The following TRPC4 variants were observed in gnomAD, a reference collection of about 807,000 sequenced individuals.
The protein encoded by TRPC4 is short transient receptor potential channel 4.
A neutral mutation model predicts 99.4 loss-of-function variants in TRPC4; 49 were observed. The ratio of observed to expected loss-of-function variants is 0.49; its 90% CI spans 0.39 to 0.63. TRPC4 has a LOEUF of 0.63. TRPC4 is among the 20% of genes least tolerant of loss of function. TRPC4 has a pLI of 0.00. For synonymous variants in TRPC4, 454 were observed against 425.9 expected (o/e 1.07, Z -0.81); for missense variants, 898 against 1,152.9 (o/e 0.78, Z 3.20).
intron 4 of TRPC4, among the ~76,000 whole-genome samples, chr13:37,675,185 C>T (rs1953004225): frequency 6.6e-6 from 1 of 152,066 alleles, no homozygotes; most frequent in South Asian, 2.1e-4. Flanking sequence ...TGAAGATCTT[C>T]CTAGGATGTA....
chr13:37,693,048 T>C (rs1953772631), intron 3 of TRPC4, among the ~76,000 whole-genome samples: 1 of 141,994 alleles, frequency 7.0e-6, no homozygotes, highest in Non-Finnish European at 1.5e-5. Flanking sequence ...ATTTTTGTGA[T>C]GTAGCATGGA....
At chr13:37,703,059 G>A (rs1458038127) in intron 3 of TRPC4, among the ~76,000 whole-genome samples, 1 of 152,122 alleles carries the variant, frequency 6.6e-6, no homozygotes, top group East Asian at 1.9e-4. Flanking sequence ...TTCCAGGGAT[G>A]CAGGAGAAAA....
intron 1 of TRPC4, among the ~76,000 whole-genome samples, chr13:37,844,500 G>C (rs1958833049): frequency 6.6e-6 from 1 of 151,978 alleles, no homozygotes. Flanking sequence ...TTGCCATGTT[G>C]GTCAGGCTGG....
At chr13:37,788,099 C>T (rs8000811) in intron 1 of TRPC4, among the ~76,000 whole-genome samples, 2,605 of 151,954 alleles carry the variant, frequency 0.017, 20 homozygotes, top group Middle Eastern at 0.11. Context: ...TTAGAAAATA[C>T]GCATCAATCT....
chr13:37,846,809 A>G (rs890197924), intron 1 of TRPC4, among the ~76,000 whole-genome samples: 2 of 152,096 alleles, frequency 1.3e-5, no homozygotes, highest in African/African-American at 4.8e-5. Context: ...ATATTTTCTT[A>G]TAAGAGACTC....
At chr13:37,665,921 C>T (rs1570610) in intron 5 of TRPC4, among the ~76,000 whole-genome samples, 146,363 of 151,490 alleles carry the variant, frequency 0.97, 70,901 homozygotes, top group East Asian at 1. Flanking sequence ...ATTATTTAAG[C>T]TGATTTCAGA....
intron 8 of TRPC4, among the ~76,000 whole-genome samples, chr13:37,650,899 C>T (rs1952024803): frequency 6.6e-6 from 1 of 152,054 alleles, no homozygotes; most frequent in Non-Finnish European, 1.5e-5. Flanking sequence ...GAGGGGGAAA[C>T]AGACAATGAG....
intron 3 of TRPC4, among the ~76,000 whole-genome samples, chr13:37,744,987 C>T (rs1233529876): frequency 6.6e-6 from 1 of 151,920 alleles, no homozygotes; most frequent in Admixed American, 6.6e-5. Flanking sequence ...GTTTCTTATT[C>T]CTGACAAATC....
At chr13:37,699,343 G>A (rs1364016978) in intron 3 of TRPC4, among the ~76,000 whole-genome samples, 1 of 151,888 alleles carries the variant, frequency 6.6e-6, no homozygotes, top group African/African-American at 2.4e-5. Flanking sequence ...ATCACTTATA[G>A]ACATATATAC....
Position 37,842,372 on chromosome 13 carries a change from G to GAAA in TRPC4, c.-28+27220_-28+27222dup, listed in dbSNP as rs1566216069. 3.2e-3 allele frequency among the ~76,000 whole-genome samples: 227 copies of GAAA among 72,048 alleles called. 10 individuals carry two copies. The highest frequency in any genetic ancestry group is 9.6e-3 in the East Asian group (21 of 2,188). The allele number at this position is 72,048 out of a possible 152,430, so 47.3% of individuals were successfully genotyped here. On this transcript the variant is annotated intron_variant, in intron 1 of 10. Coordinates refer to ENST00000379705, the MANE Select transcript of TRPC4 (RefSeq NM_016179.4). ...AAAAAAAAAAAAAAAAAAAAAAAAGGAAAAGGAAAAGTATAAATCGGGGGC... is the reference window on the plus strand; with the variant it reads ...AAAAAAAAAAAAAAAAAAAAAAAAGGAAAAAAAGGAAAAGTATAAATCGGGGGC...
rs139724858 is a variant in TRPC4 at position 37,678,962 on chromosome 13, G to A, written c.1235-4595C>T. On this transcript the variant is annotated intron_variant, in intron 4 of 10. Coordinates refer to ENST00000379705, the MANE Select transcript of TRPC4 (RefSeq NM_016179.4). ...ATCAGCATAATTTATCCCATCAACAGCTTTTTGAAAAAATGTGATCATTTC... is the reference window on the plus strand; with the variant it reads ...ATCAGCATAATTTATCCCATCAACAACTTTTTGAAAAAATGTGATCATTTC... 1.9e-4 allele frequency among the ~76,000 whole-genome samples: 29 copies of A among 152,108 alleles called. No homozygotes were observed. The East Asian group carries it at 5.0e-3, about 26-fold the overall frequency.
chr13:37,816,651 G>A (rs1483730107), intron 1 of TRPC4, among the ~76,000 whole-genome samples: 1 of 151,748 alleles, frequency 6.6e-6, no homozygotes, highest in Non-Finnish European at 1.5e-5. Context: ...ACAGAATAAA[G>A]TAGCACATAA....
intron 4 of TRPC4, among the ~76,000 whole-genome samples, chr13:37,681,297 A>T (rs138978809): frequency 6.6e-6 from 1 of 152,274 alleles, no homozygotes; most frequent in Non-Finnish European, 1.5e-5. Flanking sequence ...GACCACCCAA[A>T]ATCTTACTTC....
At chr13:37,850,674 A>G (rs1313952551) in intron 1 of TRPC4, among the ~76,000 whole-genome samples, 1 of 152,204 alleles carries the variant, frequency 6.6e-6, no homozygotes. Flanking sequence ...TGATTAAATT[A>G]TATGTAGTGA....
At chr13:37,778,764 A>G (rs1956769283) in intron 2 of TRPC4, among the ~76,000 whole-genome samples, 3 of 152,062 alleles carry the variant, frequency 2.0e-5, no homozygotes, top group Admixed American at 6.6e-5. Context: ...AAATTGGGAA[A>G]CTCTCATATA....
chr13:37,828,558 A>G (rs116559099), intron 1 of TRPC4, among the ~76,000 whole-genome samples: 108 of 152,358 alleles, frequency 7.1e-4, no homozygotes, highest in African/African-American at 2.4e-3. Context: ...CACTATTCAT[A>G]ATAGCAAAAA....
chr13:37,783,638 AT>A lies in TRPC4; in HGVS notation c.-27-279del, dbSNP rs1956901509. On this transcript the variant is annotated intron_variant, in intron 1 of 10. Coordinates refer to ENST00000379705, the MANE Select transcript of TRPC4 (RefSeq NM_016179.4). ...GAAAGTGAATTTTATCAGAGAATGC[AT>A]TTATAGTTTTGGAAATTATTTACAA... Among the ~76,000 whole-genome samples, 4 of 152,082 alleles carry A rather than the reference AT, an allele frequency of 2.6e-5. No individual in the cohort carries two copies. In the South Asian group the frequency reaches 8.3e-4, roughly 31 times the overall value.
intron 7 of TRPC4, among the ~76,000 whole-genome samples, chr13:37,652,102 C>G (rs994317969): frequency 1.3e-5 from 2 of 152,198 alleles, no homozygotes; most frequent in African/African-American, 4.8e-5. Flanking sequence ...AGGCTATCCC[C>G]TTCATCATGT....
intron 2 of TRPC4, among the ~76,000 whole-genome samples, chr13:37,749,501 C>T (rs1275232688): frequency 6.6e-6 from 1 of 151,986 alleles, no homozygotes; most frequent in Non-Finnish European, 1.5e-5. Context: ...CCTGACTCAG[C>T]CAGGCAGGCA....
Sources: gnomAD v4.1 joint callset for allele counts (sites outside exome capture counted in the v4.1 genomes callset) on GRCh38, gnomAD v4.1.1 for gene constraint, MANE v1.5 for transcripts, NCBI Gene and HGNC (gene_info 2026-07-23, HGNC 2026-07-21) for gene names.